Variants in ATF6B observed in about 807,000 individuals in gnomAD.
The protein encoded by ATF6B is activating transcription factor 6 beta, also known as cyclic AMP-dependent transcription factor ATF-6 beta.
A neutral mutation model predicts 83.5 loss-of-function variants in ATF6B; 50 were observed. The ratio of observed to expected loss-of-function variants is 0.60; its 90% CI spans 0.48 to 0.76. ATF6B has a LOEUF of 0.76. Among genes scored for constraint, ATF6B ranks in the 30% least tolerant of loss-of-function variants. The probability of loss-of-function intolerance (pLI) is 0.00; values close to 1 mark genes in which losing one functional copy is unlikely to be tolerated. For missense variants in ATF6B, 790 were observed against 893.8 expected, an observed-to-expected ratio of 0.88 and a Z score of 1.48; for synonymous variants, 344 against 362.8, an observed-to-expected ratio of 0.95 and a Z score of 0.59.
rs1452582438 is a variant in ATF6B at position 32,117,033 on chromosome 6, T to C, written c.1685+4A>G. On this transcript the variant is annotated splice_donor_region_variant and intron_variant, in intron 15 of 17. Coordinates refer to ENST00000375203, the MANE Select transcript of ATF6B (RefSeq NM_004381.5). The surrounding 1 kb of genome is among the most constrained non-coding windows in gnomAD (Gnocchi z 5.0). ...AATAAGTAAGCACCCCACCCCACAC[T>C]CACCTTTCTGGGGGTCCAGGGGGTT... is the stretch of plus-strand genomic sequence containing the variant. 6.8e-6 allele frequency: 11 copies of C among 1,613,680 alleles called. No individual in the cohort carries two copies. The highest frequency in any genetic ancestry group is 9.3e-6 in the Non-Finnish European group (11 of 1,179,716).
chr6:32,117,554 G>A lies in ATF6B; in HGVS notation c.1532+33C>T, dbSNP rs926432972. 4.4e-6 allele frequency: 7 copies of A among 1,608,130 alleles called. No homozygotes were observed. The highest frequency in any genetic ancestry group is 6.0e-6 in the Non-Finnish European group (7 of 1,175,922). Reference sequence around the variant, plus strand: ...ACTGCAGAAGGCCTTGGGAGGCCGGGGGAGCTGGATGCCCCAGCAATGAAT... The same window carrying A: ...ACTGCAGAAGGCCTTGGGAGGCCGGAGGAGCTGGATGCCCCAGCAATGAAT... On this transcript the variant is annotated intron_variant, in intron 13 of 17. Transcript: ENST00000375203. The surrounding 1 kb of genome is among the most constrained non-coding windows in gnomAD (Gnocchi z 5.0).
Position 32,116,511 on chromosome 6 carries a change from C to A in ATF6B, c.1851G>T (p.Met617Ile). The part of the protein sequence containing the change: ...ISHNKTSRPK[M>I]SLVMPAMAPN... The stretch of plus-strand genomic sequence containing the variant: ...GGGCCATGGCAGGCATCACCAGGGA[C>A]ATCTTGGGCCGGGAGGTCTTGTTGT... The change falls in exon 17 of 18, where the codon ATG (methionine) becomes ATT (isoleucine). Residue 617 changes from methionine (M) to isoleucine (I), a missense_variant. By Grantham distance (10) the Met-to-Ile change is conservative (BLOSUM62 1). This residue lies in a region of ATF6B where 530 missense variants were observed against 632.6 expected (regional missense o/e 0.84). Transcript: ENST00000375203. This position sits in a 1 kb window ranked among gnomAD's most constrained non-coding sequence, Gnocchi z 5.1. 2 of 1,606,496 alleles carry A rather than the reference C, an allele frequency of 1.2e-6. No homozygotes were observed. Among genetic ancestry groups the A allele is most frequent in the Non-Finnish European group, 1.7e-6 (2 of 1,176,098 alleles).
chr6:32,115,610 C>A lies in ATF6B; in HGVS notation c.*129G>T, dbSNP rs965797985. The A allele has an allele frequency of 1.9e-5, 15 of 784,732 alleles. No individual in the cohort carries two copies. Among genetic ancestry groups the A allele is most frequent in the Non-Finnish European group, 2.8e-5 (14 of 496,060 alleles). 48.6% of individuals were successfully genotyped at this position (784,732 alleles called of 1,614,324 possible). ...TGAACACCCCCACCTCAAATAAGTG[C>A]TTAACCCCCACACCTGCTCTTTCCT... On this transcript the variant is annotated 3_prime_UTR_variant, in exon 18 of 18. Coordinates refer to ENST00000375203, the MANE Select transcript of ATF6B (RefSeq NM_004381.5).
At chr6:32,120,153 A>T (rs1050674412) in intron 8 of ATF6B, 196 bp from the exon 9 acceptor site, 5 of 545,838 alleles carry the variant, frequency 9.2e-6, no homozygotes, top group Non-Finnish European at 1.4e-5. Context: ...GCTGGAGTGC[A>T]GTGGTGCGAT....
In ATF6B at chr6:32,115,832, G is replaced by T. The variant is rs368785190; in HGVS notation, c.2019C>A (p.Thr673=). ...PPSLRKQPSP[T]PGNATGGPLP... is the part of the protein sequence containing the mutation. ...AGGGGCCACCTGTGGCATTGCCTGG[G>T]GTTGGGGATGGCTGTTTTCGGAGCG... Residue 673 remains threonine, a synonymous_variant, in exon 18 of 18, where the codon ACC becomes ACA. Transcript: ENST00000375203. The T allele has an allele frequency of 3.1e-6, 5 of 1,614,182 alleles. No homozygotes were observed. In the African/African-American group the frequency reaches 5.3e-5, roughly 17 times the overall value.
At chr6:32,127,878 T>C (rs1308332603) in intron 1 of ATF6B, 128 bp from the exon 2 acceptor site, 2 of 1,133,594 alleles carry the variant, frequency 1.8e-6, no homozygotes, top group Non-Finnish European at 2.6e-6. Flanking sequence ...TGAAAAGTGA[T>C]ACAACCAGGG....
chr6:32,122,149 T>C (rs1343437400), intron 5 of ATF6B, among the ~76,000 whole-genome samples: 1 of 152,200 alleles, frequency 6.6e-6, no homozygotes, highest in Non-Finnish European at 1.5e-5. Flanking sequence ...ACTTCCAAGC[T>C]GCCTGCTGGT....
chr6:32,123,404 A>T (rs1468995260), intron 5 of ATF6B, among the ~76,000 whole-genome samples: 2 of 152,064 alleles, frequency 1.3e-5, no homozygotes, highest in African/African-American at 4.8e-5. Context: ...ATGCAATGCA[A>T]AGCCACCAAC....
intron 1 of ATF6B, 99 bp downstream of exon 1, chr6:32,128,018 A>T (rs1782060929): frequency 7.0e-7 from 1 of 1,420,138 alleles, no homozygotes; most frequent in Non-Finnish European, 9.8e-7. Flanking sequence ...CAGATGGCGG[A>T]TTCCGTATTT....
Position 32,116,250 on chromosome 6 carries a change from C to T in ATF6B, c.1882+230G>A, listed in dbSNP as rs957815769. On this transcript the variant is annotated intron_variant, in intron 17 of 17. Coordinates refer to ENST00000375203, the MANE Select transcript of ATF6B (RefSeq NM_004381.5). The surrounding 1 kb of genome is among the most constrained non-coding windows in gnomAD (Gnocchi z 5.1). Reference sequence around the variant, plus strand: ...AGAGTCTAGCAGGTTCCCGGCCCCCCGCCTCTGCCCAGTCATCTACCCAAG... The same window carrying T: ...AGAGTCTAGCAGGTTCCCGGCCCCCTGCCTCTGCCCAGTCATCTACCCAAG... Among the ~76,000 whole-genome samples, 14 of 152,138 alleles carry T rather than the reference C, an allele frequency of 9.2e-5. No individual in the cohort carries two copies. Among genetic ancestry groups the T allele is most frequent in the African/African-American group, 3.1e-4 (13 of 41,414 alleles).
Position 32,127,138 on chromosome 6 carries a change from C to T in ATF6B, c.307G>A (p.Glu103Lys). The change falls in exon 4 of 18, where the codon GAG (glutamate) becomes AAG (lysine). Residue 103 changes from glutamate to lysine, a missense_variant. Coordinates refer to ENST00000375203, the MANE Select transcript of ATF6B (RefSeq NM_004381.5). Reference protein sequence around the residue: ...SPCSSSSLSSESSRLSTEPSS... With the variant: ...SPCSSSSLSSKSSRLSTEPSS... ...GGCTCTGTGGAGAGACGCGATGACTCGGAGCTGAGGGAGGAGGAAGAGCAG... is the reference window on the plus strand; with the variant it reads ...GGCTCTGTGGAGAGACGCGATGACTTGGAGCTGAGGGAGGAGGAAGAGCAG... 6.2e-7 allele frequency: 1 copy of T among 1,610,804 alleles called. No homozygotes were observed. The highest frequency in any genetic ancestry group is 8.5e-7 in the Non-Finnish European group (1 of 1,178,944).
intron 5 of ATF6B, 65 bp from the exon 6 acceptor site, chr6:32,121,413 A>G: frequency 2.0e-6 from 3 of 1,498,504 alleles, no homozygotes; most frequent in Non-Finnish European, 2.8e-6. Flanking sequence ...AAGAGGGTTA[A>G]GATGGGAGGC....
At chr6:32,122,552 CA>C (rs201935311) in intron 5 of ATF6B, among the ~76,000 whole-genome samples, 7 of 148,602 alleles carry the variant, frequency 4.7e-5, no homozygotes, top group South Asian at 2.1e-4. Flanking sequence ...AAAATTAAGT[CA>C]AAAAAAAAAT....
In ATF6B at chr6:32,125,246, T is replaced by G. The variant is rs1349940001; in HGVS notation, c.478+871A>C. Reference sequence around the variant, plus strand: ...GCATGGTGGTCAGGTCTTGTTCATCTTTGCATTCCCAGCATGCTGCTCAGT... The same window carrying G: ...GCATGGTGGTCAGGTCTTGTTCATCGTTGCATTCCCAGCATGCTGCTCAGT... On this transcript the variant is annotated intron_variant, in intron 5 of 17. Transcript: ENST00000375203. This position sits in a 1 kb window ranked among gnomAD's most constrained non-coding sequence, Gnocchi z 4.1. Among the ~76,000 whole-genome samples the G allele has an allele frequency of 6.6e-6, 1 of 152,224 alleles. No homozygotes were observed. The highest frequency in any genetic ancestry group is 1.5e-5 in the Non-Finnish European group (1 of 68,042).
Position 32,127,663 on chromosome 6 carries a change from C to A in ATF6B, c.171+8G>T, listed in dbSNP as rs377210534. 172 of 1,614,042 alleles carry A rather than the reference C, an allele frequency of 1.1e-4. No homozygotes were observed. In the African/African-American group the frequency reaches 2.0e-3, roughly 18 times the overall value. The stretch of plus-strand genomic sequence containing the variant: ...CCAAGGGTTAGAGAAAGGCTGGGGA[C>A]ACAATACCGGGACATCCTGCTCCGG... On this transcript the variant is annotated splice_region_variant and intron_variant, in intron 2 of 17. Coordinates refer to ENST00000375203, the MANE Select transcript of ATF6B (RefSeq NM_004381.5).
chr6:32,117,833 A>G lies in ATF6B; in HGVS notation c.1424+26T>C, dbSNP rs1562903649. The G allele has an allele frequency of 1.3e-6, 2 of 1,556,612 alleles. No individual in the cohort carries two copies. The highest frequency in any genetic ancestry group is 4.5e-5 in the East Asian group (2 of 44,348). ...AGACCAACTCATACCCTCAAACGAGAGGGGGCCCTCTCTCTCTCTCCTCAC... is the reference window on the plus strand; with the variant it reads ...AGACCAACTCATACCCTCAAACGAGGGGGGGCCCTCTCTCTCTCTCCTCAC... On this transcript the variant is annotated intron_variant, in intron 12 of 17. Coordinates refer to ENST00000375203, the MANE Select transcript of ATF6B (RefSeq NM_004381.5). This position sits in a 1 kb window ranked among gnomAD's most constrained non-coding sequence, Gnocchi z 5.0.
Position 32,121,357 on chromosome 6 carries a change from G to A in ATF6B, c.479-9C>T, listed in dbSNP as rs202076238. ...TATCTTGGTCTGGACATCTGTGGGAGGCAGGATGAGGCAAAAGCTGGATAT... is the reference window on the plus strand; with the variant it reads ...TATCTTGGTCTGGACATCTGTGGGAAGCAGGATGAGGCAAAAGCTGGATAT... On this transcript the variant is annotated splice_polypyrimidine_tract_variant and intron_variant, in intron 5 of 17. Transcript: ENST00000375203. 9.8e-5 allele frequency: 158 copies of A among 1,610,350 alleles called. No individual in the cohort carries two copies. In the East Asian group the frequency reaches 1.2e-3, roughly 12 times the overall value.
chr6:32,123,458 G>C (rs1017915291), intron 5 of ATF6B, among the ~76,000 whole-genome samples: 1 of 152,068 alleles, frequency 6.6e-6, no homozygotes, highest in Admixed American at 6.6e-5. Context: ...GGGCGATCTC[G>C]GCTCACTGCA....
chr6:32,127,777 G>T, intron 1 of ATF6B, 27 bp from the exon 2 acceptor site: 2 of 1,611,362 alleles, frequency 1.2e-6, no homozygotes, highest in Non-Finnish European at 1.7e-6. Flanking sequence ...GCGTCGGGGG[G>T]TCGTTCGGTG....
Sources: gnomAD v4.1 joint callset for allele counts (sites outside exome capture counted in the v4.1 genomes callset) on GRCh38, gnomAD v4.1.1 for gene constraint, gnomAD v4.1.1 regional missense constraint, Gnocchi (gnomAD v3.1) non-coding constraint, MANE v1.5 for transcripts, NCBI Gene and HGNC (gene_info 2026-07-23, HGNC 2026-07-21) for gene names.